The following QNG1 variants were observed in gnomAD, a reference collection of about 807,000 sequenced individuals.
The protein encoded by QNG1 is Q-nucleotide N-glycosylase 1.
chr9:83,943,957 C>G, the QNG1 span, among the ~76,000 whole-genome samples: 1 of 152,008 alleles, frequency 6.6e-6, no homozygotes. Flanking sequence ...GGAGGCGGAG[C>G]TTGCAGTGAG....
the QNG1 span, among the ~76,000 whole-genome samples, chr9:83,945,319 T>C: frequency 4.7e-5 from 7 of 150,256 alleles, no homozygotes; most frequent in African/African-American, 1.5e-4. Context: ...GAGAATCGCA[T>C]GAGCCTGGGA....
At chr9:83,956,505 C>T in the QNG1 span, 2 of 1,518,100 alleles carry the variant, frequency 1.3e-6, no homozygotes, top group African/African-American at 2.8e-5. Flanking sequence ...GTCCATTCTG[C>T]CCTTTGGGAC....
the QNG1 span, chr9:83,955,685 A>G: frequency 6.4e-6 from 10 of 1,573,198 alleles, no homozygotes; most frequent in South Asian, 2.2e-5. Flanking sequence ...TCATACTTCC[A>G]TATGCATTAA....
chr9:83,946,548 A>G, the QNG1 span, among the ~76,000 whole-genome samples: 2 of 152,220 alleles, frequency 1.3e-5, no homozygotes, highest in Non-Finnish European at 2.9e-5. Flanking sequence ...ATATTTATAC[A>G]TAGAAAAGAC....
At chr9:83,952,790 G>A in the QNG1 span, among the ~76,000 whole-genome samples, 147 of 134,774 alleles carry the variant, frequency 1.1e-3, no homozygotes, top group Non-Finnish European at 1.7e-3. Context: ...GCAAGACTCC[G>A]TCTGAAAAAA....
chr9:83,948,070 G>C, the QNG1 span, among the ~76,000 whole-genome samples: 1 of 151,740 alleles, frequency 6.6e-6, no homozygotes, highest in African/African-American at 2.4e-5. Context: ...GAAGTGAGGA[G>C]CGTCTCTGCC....
chr9:83,953,740 C>G, the QNG1 span: 2 of 1,437,904 alleles, frequency 1.4e-6, no homozygotes, highest in Admixed American at 2.0e-5. Context: ...TCACTGCAAC[C>G]TCCCCCTCCC....
the QNG1 span, among the ~76,000 whole-genome samples, chr9:83,950,970 A>G: frequency 2.6e-5 from 4 of 152,182 alleles, no homozygotes; most frequent in Non-Finnish European, 5.9e-5. Flanking sequence ...GGATTACAAA[A>G]GTTAAGAACA....
At chr9:83,946,476 C>T in the QNG1 span, among the ~76,000 whole-genome samples, 7 of 152,170 alleles carry the variant, frequency 4.6e-5, no homozygotes, top group South Asian at 1.2e-3. Context: ...ATCATATTTA[C>T]CAATTTTGGA....
At chr9:83,947,425 T>G in the QNG1 span, among the ~76,000 whole-genome samples, 1 of 152,262 alleles carries the variant, frequency 6.6e-6, no homozygotes, top group African/African-American at 2.4e-5. Context: ...AACCTTAAGA[T>G]ATGCCTATTG....
the QNG1 span, among the ~76,000 whole-genome samples, chr9:83,950,316 A>C: frequency 6.6e-6 from 1 of 151,904 alleles, no homozygotes. Context: ...CCAAAGTGCA[A>C]GGATTACAGG....
the QNG1 span, among the ~76,000 whole-genome samples, chr9:83,946,384 C>T: frequency 6.6e-6 from 1 of 152,080 alleles, no homozygotes; most frequent in Admixed American, 6.6e-5. Context: ...AGAACCACAA[C>T]ATTCATTTTT....
At chr9:83,955,231 G>T in the QNG1 span, 1 of 817,438 alleles carries the variant, frequency 1.2e-6, no homozygotes, top group Non-Finnish European at 1.9e-6. Context: ...CATAAGAAAT[G>T]ACTTTGAAAC....
chr9:83,941,840 GAGA>G, the QNG1 span, among the ~76,000 whole-genome samples: 3 of 151,992 alleles, frequency 2.0e-5, no homozygotes, highest in Admixed American at 1.3e-4. Flanking sequence ...TTGAACCCGG[GAGA>G]AGGAGGTTGC....
chr9:83,939,482 G>A, the QNG1 span: 2 of 1,463,600 alleles, frequency 1.4e-6, no homozygotes, highest in Non-Finnish European at 9.6e-7. Flanking sequence ...AACGCAGGGG[G>A]TTTTCTTTGG....
the QNG1 span, among the ~76,000 whole-genome samples, chr9:83,948,273 C>T: frequency 1.4e-5 from 2 of 147,710 alleles, no homozygotes; most frequent in African/African-American, 4.9e-5. Context: ...GCCCCTCCGC[C>T]CAGCAGCCGC....
the QNG1 span, among the ~76,000 whole-genome samples, chr9:83,944,079 T>C: frequency 7.2e-5 from 11 of 152,250 alleles, no homozygotes; most frequent in African/African-American, 2.6e-4. Context: ...CCCAGCACTT[T>C]GGAAGGCTGA....
At chr9:83,938,376 C>T in the QNG1 span, 1 of 151,918 alleles carries the variant, frequency 6.6e-6, no homozygotes, top group East Asian at 1.9e-4. Flanking sequence ...ACAAATTAGA[C>T]AGATATCCTA....
At chr9:83,944,685 A>G in the QNG1 span, 1 of 827,798 alleles carries the variant, frequency 1.2e-6, no homozygotes, top group East Asian at 2.7e-5. Flanking sequence ...ATATACTATG[A>G]ACAATAAATA....
Sources: gnomAD v4.1 joint callset for allele counts (sites outside exome capture counted in the v4.1 genomes callset) on GRCh38, gnomAD v4.1.1 for gene constraint, MANE v1.5 for transcripts, NCBI Gene and HGNC (gene_info 2026-07-23, HGNC 2026-07-21) for gene names.